The following POLG2 variants were observed in gnomAD, a reference collection of about 807,000 sequenced individuals.
POLG2 encodes DNA polymerase gamma 2, accessory subunit.
A neutral mutation model predicts 56.5 loss-of-function variants in POLG2; 50 were observed. The observed-to-expected ratio is 0.88, with a 90% confidence interval of 0.71 to 1.12. POLG2 has a LOEUF of 1.12. POLG2 is among the 50% of genes most tolerant of loss of function. POLG2 has a pLI of 0.00. For missense variants in POLG2, 584 were observed against 583.3 expected, an observed-to-expected ratio of 1.00 and a Z score of -0.01; for synonymous variants, 226 against 222.6, an observed-to-expected ratio of 1.02 and a Z score of -0.14.
chr17:64,492,221 T>A (rs1305485366), intron 3 of POLG2, among the ~76,000 whole-genome samples: 4 of 152,142 alleles, frequency 2.6e-5, no homozygotes, highest in African/African-American at 4.8e-5. Flanking sequence ...GATGTTTGAG[T>A]CGGGAAATGG....
rs533614940 is a variant in POLG2, at chr17:64,496,506, C to T, written c.463G>A (p.Glu155Lys). The change falls in exon 1 of 8, where the codon GAA (glutamate) becomes AAA (lysine). Residue 155 changes from glutamate (E) to lysine (K), a missense_variant. Glu to Lys is a moderately conservative substitution (Grantham distance 56). Coordinates refer to ENST00000539111, the MANE Select transcript of POLG2 (RefSeq NM_007215.4). ...CTCAGCTCTTTGTCTTGCAAGATTT[C>T]GCGTAGAGTTTCTGCAGAAACTAAC... ...FRLVSAETLR[E>K]ILQDKELSKE... 1.2e-6 allele frequency: 2 copies of T among 1,613,238 alleles called. No individual in the cohort carries two copies. The highest frequency in any genetic ancestry group is 2.2e-5 in the South Asian group (2 of 91,074).
intron 4 of POLG2, among the ~76,000 whole-genome samples, chr17:64,487,723 TG>T (rs1555667748): frequency 6.6e-6 from 1 of 152,050 alleles, no homozygotes; most frequent in Non-Finnish European, 1.5e-5. Context: ...TGCTTTAGGC[TG>T]GGCACAGTGA....
chr17:64,492,610 G>T, intron 3 of POLG2, 57 bp downstream of exon 3: 1 of 955,280 alleles, frequency 1.0e-6, no homozygotes, highest in South Asian at 1.4e-5. Flanking sequence ...AATTACCACT[G>T]ACACATTAAG....
At chr17:64,479,047 A>G (rs2037813546) in intron 7 of POLG2, among the ~76,000 whole-genome samples, 1 of 152,310 alleles carries the variant, frequency 6.6e-6, no homozygotes, top group Non-Finnish European at 1.5e-5. Context: ...CAATGTCCAC[A>G]TGGCTCAAAG....
chr17:64,496,470 G>A lies in POLG2; in HGVS notation c.499C>T (p.Leu167=). 1 of 1,607,038 alleles carries A rather than the reference G, an allele frequency of 6.2e-7. No homozygotes were observed. The highest frequency in any genetic ancestry group is 8.5e-7 in the Non-Finnish European group (1 of 1,174,150). ...AATACGTTCTCAAGAAATGCTACTA[G>A]CTGTTCCTTACTCAGCTCTTTGTCT... ...LQDKELSKEQ[L]VAFLENVLKT... The change falls in exon 1 of 8, where the codon CTA becomes TTA. Residue 167 remains leucine (L), a synonymous_variant. Coordinates refer to ENST00000539111, the MANE Select transcript of POLG2 (RefSeq NM_007215.4).
In POLG2 at chr17:64,485,725, C is replaced by T; in HGVS notation, c.1110+3G>A. On this transcript the variant is annotated splice_donor_region_variant and intron_variant, in intron 5 of 7. Transcript: ENST00000539111. ...AAGTCTATCTCTGAAATATCAACAG[C>T]ACCTTTCTATGAAGATTTTTCTTTC... The T allele has an allele frequency of 1.2e-6, 2 of 1,610,258 alleles. No individual in the cohort carries two copies. Among genetic ancestry groups the T allele is most frequent in the Admixed American group, 3.3e-5 (2 of 60,016 alleles).
chr17:64,487,025 G>C (rs1302706488), intron 4 of POLG2: 2 of 151,244 alleles, frequency 1.3e-5, no homozygotes, highest in Admixed American at 6.6e-5. Flanking sequence ...TGTTCACCTG[G>C]ATATTCATGT....
chr17:64,491,269 G>A (rs2038053474), intron 3 of POLG2, among the ~76,000 whole-genome samples: 1 of 152,126 alleles, frequency 6.6e-6, no homozygotes, highest in Non-Finnish European at 1.5e-5. Context: ...GAGTAGCTGG[G>A]ACCACAGGTT....
At chr17:64,485,529 T>C in intron 5 of POLG2, 199 bp downstream of exon 5, 1 of 596,310 alleles carries the variant, frequency 1.7e-6, no homozygotes, top group South Asian at 2.0e-5. Flanking sequence ...GATTACTTAT[T>C]AGGGATGCCT....
intron 5 of POLG2, among the ~76,000 whole-genome samples, chr17:64,483,500 T>C (rs1381128982): frequency 2.1e-5 from 3 of 145,308 alleles, no homozygotes; most frequent in Non-Finnish European, 4.5e-5. Context: ...GGCGACAGAG[T>C]GAGATCCTGT....
chr17:64,494,967 A>T (rs962333884), intron 1 of POLG2, among the ~76,000 whole-genome samples: 6 of 151,986 alleles, frequency 3.9e-5, no homozygotes, highest in Non-Finnish European at 5.9e-5. Flanking sequence ...AGGTCAGGAG[A>T]TAGAGACCAT....
chr17:64,489,501 T>C (rs1196789764), intron 4 of POLG2, among the ~76,000 whole-genome samples: 3 of 149,360 alleles, frequency 2.0e-5, no homozygotes, highest in Non-Finnish European at 4.5e-5. Context: ...TGACTCATTC[T>C]TATAATCCAA....
At chr17:64,496,172 ATTGAGAGCGTTCCCAGGTCC>A (rs1455320859) in intron 1 of POLG2, among the ~76,000 whole-genome samples, 1 of 152,226 alleles carries the variant, frequency 6.6e-6, no homozygotes, top group Non-Finnish European at 1.5e-5. Context: ...GCCCCGTGAA[ATTGAGAGCGTTCCCAGGTCC>A]TTCGGACAGA....
chr17:64,495,623 C>A (rs2144216089), intron 1 of POLG2, among the ~76,000 whole-genome samples: 1 of 152,282 alleles, frequency 6.6e-6, no homozygotes, highest in Middle Eastern at 3.4e-3. Context: ...CCATATTTAA[C>A]ATTAGTTTAT....
At chr17:64,485,909 C>A (rs2037943335) in intron 4 of POLG2, 41 bp from the exon 5 acceptor site, 1 of 1,609,282 alleles carries the variant, frequency 6.2e-7, no homozygotes. Flanking sequence ...TTTCACAGAA[C>A]TTTTTTTGTT....
At chr17:64,486,631 TG>T (rs1277761985) in intron 4 of POLG2, among the ~76,000 whole-genome samples, 1 of 152,182 alleles carries the variant, frequency 6.6e-6, no homozygotes, top group Non-Finnish European at 1.5e-5. Context: ...CCCAAAGTGC[TG>T]GGATTACAGG....
In POLG2 at chr17:64,496,959, G is replaced by C; in HGVS notation, c.10C>G (p.Arg4Gly). 6.2e-7 allele frequency: 1 copy of C among 1,605,782 alleles called. No individual in the cohort carries two copies. The highest frequency in any genetic ancestry group is 8.5e-7 in the Non-Finnish European group (1 of 1,179,888). The change falls in exon 1 of 8, where the codon CGT (arginine) becomes GGT (glycine). Residue 4 changes from arginine (R) to glycine (G), a missense_variant. Arg to Gly is a moderately radical substitution (Grantham distance 125). Coordinates refer to ENST00000539111, the MANE Select transcript of POLG2 (RefSeq NM_007215.4). ...TTATGGCAGGCCCTGACGGCTACAC[G>C]AGAGCGCATCTCTCTCCGAAGTTAA... MRS[R>G]VAVRACHKVC...
At chr17:64,490,137 A>G (rs2038032058) in intron 4 of POLG2, among the ~76,000 whole-genome samples, 1 of 152,076 alleles carries the variant, frequency 6.6e-6, no homozygotes, top group Non-Finnish European at 1.5e-5. Flanking sequence ...ATTGGCCAGG[A>G]TGGTCTCAAT....
intron 7 of POLG2, among the ~76,000 whole-genome samples, chr17:64,479,507 G>A (rs765581551): frequency 3.9e-5 from 6 of 152,038 alleles, no homozygotes; most frequent in Non-Finnish European, 7.4e-5. Context: ...TTTAACAAAT[G>A]TTCAGAGAAC....
Sources: gnomAD v4.1 joint callset for allele counts (sites outside exome capture counted in the v4.1 genomes callset) on GRCh38, gnomAD v4.1.1 for gene constraint, MANE v1.5 for transcripts, NCBI Gene and HGNC (gene_info 2026-07-23, HGNC 2026-07-21) for gene names.